Variants in KLC4 observed in about 807,000 individuals in gnomAD.
The protein encoded by KLC4 is kinesin-like protein 8.
Under a neutral mutation model 77.2 loss-of-function variants are expected in KLC4, and 49 were observed. The ratio of observed to expected loss-of-function variants is 0.63; its 90% CI spans 0.50 to 0.80. The LOEUF (loss-of-function observed/expected upper bound fraction) is 0.80. Among genes scored for constraint, KLC4 ranks in the 30% least tolerant of loss-of-function variants. The pLI is 0.00. For synonymous variants in KLC4, 274 were observed against 314.5 expected, an observed-to-expected ratio of 0.87 and a Z score of 1.36; for missense variants, 669 against 793.5, an observed-to-expected ratio of 0.84 and a Z score of 1.89.
At chr6:43,060,403 C>T in intron 1 of KLC4, 1 of 1,452,988 alleles carries the variant, frequency 6.9e-7, no homozygotes, top group Middle Eastern at 2.3e-4. Flanking sequence ...GACCTGTGGG[C>T]AGAGGGAGGG....
intron 8 of KLC4, 45 bp from the exon 9 acceptor site, chr6:43,071,230 T>G: frequency 3.7e-6 from 3 of 821,550 alleles, no homozygotes; most frequent in Non-Finnish European, 6.0e-6. Context: ...AGACCTTGCC[T>G]CCCTCCATGT....
At position 43,070,748 on chromosome 6, in the gene KLC4, G is replaced by T; in HGVS notation, c.1038G>T (p.Leu346Phe). The T allele has an allele frequency of 1.2e-6, 2 of 1,614,122 alleles. No homozygotes were observed. Among genetic ancestry groups the T allele is most frequent in the Non-Finnish European group, 1.7e-6 (2 of 1,180,004 alleles). Residue 346 changes from leucine (L) to phenylalanine (F), a missense_variant, in exon 8 of 16, where the codon TTG (leucine) becomes TTT (phenylalanine). Leu to Phe is a conservative substitution (Grantham distance 22). Coordinates refer to ENST00000347162, the MANE Select transcript of KLC4 (RefSeq NM_201521.3). The stretch of plus-strand genomic sequence containing the variant: ...AACAGCTGAACAACCTGGCCCTCTT[G>T]TGCCAAAACCAGGGCAAGTATGAGG... ...VAKQLNNLAL[L>F]CQNQGKYEAV...
rs1325425201 is a variant in KLC4, at chr6:43,073,205, C to T, written c.1630-18C>T. 1.3e-6 allele frequency: 2 copies of T among 1,597,768 alleles called. No homozygotes were observed. Among genetic ancestry groups the T allele is most frequent in the African/African-American group, 2.7e-5 (2 of 74,640 alleles). On this transcript the variant is annotated intron_variant, in intron 13 of 15. Transcript: ENST00000347162. The stretch of plus-strand genomic sequence containing the variant: ...TGTGGGATCCTTGTAGCTTTCATTG[C>T]TCACTCCTTTCTGCCAGGATGGCAG...
intron 2 of KLC4, 151 bp downstream of exon 2, chr6:43,061,744 C>A: frequency 2.5e-6 from 2 of 798,938 alleles, no homozygotes; most frequent in Non-Finnish European, 3.8e-6. Flanking sequence ...TGCCAGAATG[C>A]TTTTGGGCAC....
chr6:43,072,341 A>C, intron 12 of KLC4, 86 bp downstream of exon 12: 1 of 985,944 alleles, frequency 1.0e-6, no homozygotes, highest in Non-Finnish European at 1.6e-6. Context: ...GTCTCCTAAG[A>C]ATAAGCGGAA....
intron 2 of KLC4, 125 bp from the exon 3 acceptor site, chr6:43,062,792 T>C (rs1765226385): frequency 1.4e-6 from 1 of 712,632 alleles, no homozygotes; most frequent in Non-Finnish European, 2.4e-6. Context: ...GCACCACTGC[T>C]ACACCCCCAC....
intron 4 of KLC4, 78 bp from the exon 5 acceptor site, chr6:43,066,228 G>C: frequency 8.2e-7 from 1 of 1,216,702 alleles, no homozygotes; most frequent in South Asian, 1.3e-5. Context: ...TATGGAACAA[G>C]ACATGCAATG....
At chr6:43,068,395 C>A (rs1396089085) in intron 6 of KLC4, among the ~76,000 whole-genome samples, 3 of 151,898 alleles carry the variant, frequency 2.0e-5, no homozygotes, top group Non-Finnish European at 4.4e-5. Flanking sequence ...TCACTCGAAA[C>A]CAGAAGGTGG....
intron 4 of KLC4, among the ~76,000 whole-genome samples, 191 bp downstream of exon 4, chr6:43,065,892 G>A (rs1765398530): frequency 6.6e-6 from 1 of 152,220 alleles, no homozygotes; most frequent in South Asian, 2.1e-4. Context: ...ATTAAGCACT[G>A]AATATGTGCC....
chr6:43,073,329 G>A lies in KLC4; in HGVS notation c.1736G>A (p.Arg579Gln), dbSNP rs61742360. Residue 579 changes from arginine to glutamine, a missense_variant, in exon 14 of 16, where the codon CGG (arginine) becomes CAG (glutamine). Coordinates refer to ENST00000347162, the MANE Select transcript of KLC4 (RefSeq NM_201521.3). ...LVRKLQGTEP[R>Q]PSSSNMKRAA... ...AGGAAGCTCCAGGGGACTGAGCCTC[G>A]GCCCTCCAGGTATACATGGAAGTCA... 1.3e-3 allele frequency: 2,143 copies of A among 1,611,064 alleles called. 6 individuals are homozygous for A. Among genetic ancestry groups the A allele is most frequent in the Non-Finnish European group, 1.7e-3 (1,974 of 1,177,682 alleles).
intron 9 of KLC4, 21 bp from the exon 10 acceptor site, chr6:43,071,546 C>G: frequency 6.2e-7 from 1 of 1,609,638 alleles, no homozygotes; most frequent in Non-Finnish European, 8.5e-7. Flanking sequence ...CTAACCTCCC[C>G]ACCCCATGTA....
intron 6 of KLC4, among the ~76,000 whole-genome samples, chr6:43,069,933 T>C (rs989509669): frequency 2.6e-5 from 4 of 152,068 alleles, no homozygotes; most frequent in Non-Finnish European, 4.4e-5. Flanking sequence ...ATCTCAGAAA[T>C]CATACTCCTG....
chr6:43,065,157 C>T (rs986808688), intron 3 of KLC4, among the ~76,000 whole-genome samples: 2 of 152,082 alleles, frequency 1.3e-5, no homozygotes, highest in Admixed American at 6.5e-5. Context: ...TCACCGCAAC[C>T]TCTGCCTCCC....
intron 1 of KLC4, chr6:43,060,609 A>G (rs1431883411): frequency 2.6e-6 from 3 of 1,145,152 alleles, no homozygotes; most frequent in Non-Finnish European, 3.3e-6. Context: ...TACACAGGTA[A>G]GAAGGCTTCA....
intron 6 of KLC4, 102 bp downstream of exon 6, chr6:43,067,185 A>G: frequency 6.6e-7 from 1 of 1,515,446 alleles, no homozygotes; most frequent in Non-Finnish European, 8.9e-7. Context: ...TCCACTCACT[A>G]AGGGTGCTGA....
chr6:43,061,928 G>A (rs1376689878), intron 2 of KLC4, among the ~76,000 whole-genome samples: 1 of 152,186 alleles, frequency 6.6e-6, no homozygotes, highest in Non-Finnish European at 1.5e-5. Context: ...GGGACTGTGG[G>A]GAGAGGGTAT....
intron 4 of KLC4, 114 bp from the exon 5 acceptor site, chr6:43,066,192 A>T: frequency 1.2e-6 from 1 of 845,062 alleles, no homozygotes; most frequent in Non-Finnish European, 2.0e-6. Context: ...TCTAATATTG[A>T]GAGTCCAGGT....
chr6:43,071,801 C>G lies in KLC4; in HGVS notation c.1309-51C>G, dbSNP rs768705906. The G allele has an allele frequency of 2.5e-6, 4 of 1,582,820 alleles. No individual in the cohort carries two copies. The South Asian group carries it at 4.5e-5, about 18-fold the overall frequency. ...CCTTGCATCTCAGCATCTCTGTATT[C>G]TTATATTTGGCTCTCCCTGCCCTTC... On this transcript the variant is annotated intron_variant, in intron 10 of 15. Coordinates refer to ENST00000347162, the MANE Select transcript of KLC4 (RefSeq NM_201521.3).
At chr6:43,070,920 G>A in intron 8 of KLC4, 55 bp downstream of exon 8, 1 of 412,302 alleles carries the variant, frequency 2.4e-6, no homozygotes, top group South Asian at 2.3e-5. Flanking sequence ...GCACAGAGGT[G>A]GGGGGAGGGG....
Sources: gnomAD v4.1 joint callset for allele counts (sites outside exome capture counted in the v4.1 genomes callset) on GRCh38, gnomAD v4.1.1 for gene constraint, MANE v1.5 for transcripts, NCBI Gene and HGNC (gene_info 2026-07-23, HGNC 2026-07-21) for gene names.